The following CCSER2 variants were observed in gnomAD, a reference collection of about 807,000 sequenced individuals.
The protein encoded by CCSER2 is coiled-coil serine rich protein 2.
Under a neutral mutation model 92.3 loss-of-function variants are expected in CCSER2, and 46 were observed. The ratio of observed to expected loss-of-function variants is 0.50; its 90% CI spans 0.39 to 0.64. The LOEUF (loss-of-function observed/expected upper bound fraction) is 0.64. CCSER2 is among the 30% of genes least tolerant of loss of function. CCSER2 has a pLI of 0.00. For missense variants in CCSER2, 1,244 were observed against 1,238.9 expected (o/e 1.00, Z -0.06); for synonymous variants, 433 against 431.4 (o/e 1.00, Z -0.04).
chr10:84,435,034 T>C (rs1844022610), intron 5 of CCSER2, among the ~76,000 whole-genome samples: 1 of 152,128 alleles, frequency 6.6e-6, no homozygotes, highest in Non-Finnish European at 1.5e-5. Context: ...GTTGAGGGGA[T>C]CAGGAAGGGC....
At chr10:84,476,764 A>G (rs754298943) in intron 8 of CCSER2, among the ~76,000 whole-genome samples, 19 of 151,832 alleles carry the variant, frequency 1.3e-4, no homozygotes, top group Admixed American at 4.6e-4. Context: ...TTTTATCAGT[A>G]TTTTCATGAT....
At chr10:84,460,580 C>T (rs1353456621) in intron 6 of CCSER2, among the ~76,000 whole-genome samples, 2 of 151,454 alleles carry the variant, frequency 1.3e-5, no homozygotes, top group African/African-American at 4.8e-5. Flanking sequence ...GAACAATTTG[C>T]CAGTAAAACA....
chr10:84,390,814 G>A, intron 3 of CCSER2: 2 of 508,330 alleles, frequency 3.9e-6, no homozygotes, highest in South Asian at 2.2e-5. Context: ...ATTTGAAGGA[G>A]GATTTATGGA....
intron 9 of CCSER2, among the ~76,000 whole-genome samples, chr10:84,485,717 G>C (rs1847766411): frequency 6.6e-6 from 1 of 152,054 alleles, no homozygotes. Context: ...GCATTTTTCA[G>C]TTTTCAGAAC....
intron 4 of CCSER2, among the ~76,000 whole-genome samples, chr10:84,421,801 T>C (rs1260202265): frequency 6.6e-6 from 1 of 152,170 alleles, no homozygotes; most frequent in Non-Finnish European, 1.5e-5. Flanking sequence ...TCTTCAGAAA[T>C]GAAGACCCAA....
At chr10:84,360,356 T>G (rs531770619) in intron 1 of CCSER2, among the ~76,000 whole-genome samples, 2 of 152,334 alleles carry the variant, frequency 1.3e-5, no homozygotes, top group South Asian at 4.1e-4. Context: ...AAAGAAGATT[T>G]TCCATCAATT....
rs1849549789 is a variant in CCSER2 at position 84,515,043 on chromosome 10, C to G, written c.*776C>G. On this transcript the variant is annotated 3_prime_UTR_variant, in exon 10 of 10. Coordinates refer to ENST00000372088, the MANE Select transcript of CCSER2 (RefSeq NM_001284240.2). ...AAATTTTGGAGCGCTTGAGATACAC[C>G]TTGAAACCTGTACCTAAAGATGTAT... 2 of 152,576 alleles carry G rather than the reference C, an allele frequency of 1.3e-5. No homozygotes were observed. The highest frequency in any genetic ancestry group is 2.9e-5 in the Non-Finnish European group (2 of 68,036). The allele number at this position is 152,576 out of a possible 1,614,324, so 9.5% of individuals were successfully genotyped here.
intron 9 of CCSER2, among the ~76,000 whole-genome samples, chr10:84,493,484 A>G (rs1443941590): frequency 6.6e-6 from 1 of 152,224 alleles, no homozygotes; most frequent in East Asian, 1.9e-4. Flanking sequence ...AGTTTATTAG[A>G]GAAGTAAAGA....
chr10:84,399,149 G>T (rs1196107277), intron 3 of CCSER2, among the ~76,000 whole-genome samples: 2 of 152,082 alleles, frequency 1.3e-5, no homozygotes, highest in African/African-American at 4.8e-5. Context: ...AATGATCATT[G>T]TACCTATTGG....
At chr10:84,487,148 C>T (rs2133784853) in intron 9 of CCSER2, among the ~76,000 whole-genome samples, 2 of 152,216 alleles carry the variant, frequency 1.3e-5, no homozygotes, top group Non-Finnish European at 2.9e-5. Context: ...TTACTGTAGC[C>T]TTGTAGTATA....
chr10:84,371,823 A>G lies in CCSER2; in HGVS notation c.771A>G (p.Gln257=), dbSNP rs1846075055. 40 of 1,613,978 alleles carry G rather than the reference A, an allele frequency of 2.5e-5. No individual in the cohort carries two copies. The highest frequency in any genetic ancestry group is 3.3e-5 in the Non-Finnish European group (39 of 1,179,910). ...AVDLTKPYQN[Q]QLSIRVPLRS... ...ATCTTACAAAGCCTTATCAGAACCA[A>G]CAGCTATCCATTAGAGTGCCTCTAC... The change falls in exon 2 of 10, where the codon CAA becomes CAG. Residue 257 remains glutamine, a synonymous_variant. Transcript: ENST00000372088.
At chr10:84,348,161 A>G (rs1042495938) in intron 1 of CCSER2, among the ~76,000 whole-genome samples, 1 of 152,224 alleles carries the variant, frequency 6.6e-6, no homozygotes, top group African/African-American at 2.4e-5. Context: ...AGCCTGGGCA[A>G]CATTGAGCAT....
At chr10:84,447,081 T>C (rs533888797) in intron 6 of CCSER2, among the ~76,000 whole-genome samples, 1 of 152,158 alleles carries the variant, frequency 6.6e-6, no homozygotes, top group South Asian at 2.1e-4. Context: ...ATTTTCCCGG[T>C]ACAACCGTGA....
chr10:84,459,621 C>T (rs767535210), intron 6 of CCSER2, among the ~76,000 whole-genome samples: 26 of 152,116 alleles, frequency 1.7e-4, no homozygotes, highest in Non-Finnish European at 2.6e-4. Context: ...TTCCCAGGCT[C>T]AGGTGATTCT....
chr10:84,468,506 G>A (rs1846586608), intron 7 of CCSER2, among the ~76,000 whole-genome samples: 1 of 152,036 alleles, frequency 6.6e-6, no homozygotes, highest in East Asian at 1.9e-4. Flanking sequence ...GTTTTGGTGG[G>A]GGAAAAAAAT....
chr10:84,347,414 A>T (rs1564584540), intron 1 of CCSER2, among the ~76,000 whole-genome samples: 1 of 126,140 alleles, frequency 7.9e-6, no homozygotes, highest in Admixed American at 7.8e-5. Context: ...GGGGGTGCTG[A>T]CCCCCCACCT....
At chr10:84,361,888 C>T (rs1050932767) in intron 1 of CCSER2, among the ~76,000 whole-genome samples, 1 of 152,186 alleles carries the variant, frequency 6.6e-6, no homozygotes, top group Non-Finnish European at 1.5e-5. Flanking sequence ...GATCCGCCCA[C>T]CTCGGCCTCC....
chr10:84,457,335 TTATATA>T (rs1422339572), intron 6 of CCSER2, among the ~76,000 whole-genome samples: 14 of 43,516 alleles, frequency 3.2e-4, no homozygotes, highest in East Asian at 3.0e-3. Context: ...ATATAATATA[TTATATA>T]TTATATATAA....
chr10:84,513,320 TAAAAG>T (rs1849462565), intron 9 of CCSER2, 124 bp from the exon 10 acceptor site: 1 of 718,588 alleles, frequency 1.4e-6, no homozygotes, highest in East Asian at 2.7e-5. Flanking sequence ...ATTTTTTAAT[TAAAAG>T]AAACTCCACA....
Sources: allele counts gnomAD v4.1 joint callset (sites outside exome capture counted in the v4.1 genomes callset), GRCh38; gene constraint gnomAD v4.1.1; transcripts MANE v1.5; gene names NCBI Gene and HGNC (gene_info 2026-07-23, HGNC 2026-07-21).